RUFY2: variants seen among roughly 807,000 people sequenced by gnomAD.
RUFY2 encodes RUN and FYVE domain-containing protein 2.
Under a neutral mutation model 94.4 loss-of-function variants are expected in RUFY2, and 49 were observed. The ratio of observed to expected loss-of-function variants is 0.52; its 90% confidence interval spans 0.41 to 0.66. RUFY2 has a LOEUF of 0.66. RUFY2 is among the 30% of genes least tolerant of loss of function. The pLI is 0.00. For synonymous variants in RUFY2, 255 were observed against 235.7 expected, an observed-to-expected ratio of 1.08 and a Z score of -0.75; for missense variants, 541 against 692.8, an observed-to-expected ratio of 0.78 and a Z score of 2.46.
At chr10:68,392,737 G>A (rs796288234) in intron 7 of RUFY2, among the ~76,000 whole-genome samples, 7 of 149,412 alleles carry the variant, frequency 4.7e-5, no homozygotes, top group African/African-American at 1.5e-4. Context: ...CCTGGCCAAC[G>A]TGGTGAAACC....
chr10:68,393,721 T>A lies in RUFY2; in HGVS notation c.584+354A>T, dbSNP rs952703949. The A allele has an allele frequency of 2.1e-5, 6 of 280,074 alleles. No homozygotes were observed. In the Admixed American group the frequency reaches 2.9e-4, roughly 14 times the overall value. 17.3% of individuals were successfully genotyped at this position (280,074 alleles called of 1,614,324 possible). A position where few individuals can be genotyped will look rare whatever the true frequency, so the allele number is the denominator to read the frequency against. Reference sequence around the variant, plus strand: ...TCCAGCCTGGGCAACAGAGCAAGACTGTGTCTCAAAAAAAAAAAAACATAG... The same window carrying A: ...TCCAGCCTGGGCAACAGAGCAAGACAGTGTCTCAAAAAAAAAAAAACATAG... On this transcript the variant is annotated intron_variant, in intron 6 of 17. Transcript: ENST00000602465.
At chr10:68,359,807 G>C (rs2047337535) in intron 15 of RUFY2, among the ~76,000 whole-genome samples, 1 of 150,218 alleles carries the variant, frequency 6.7e-6, no homozygotes, top group East Asian at 1.9e-4. Flanking sequence ...AAAAAAGATA[G>C]ATTTGGAAGG....
intron 12 of RUFY2, chr10:68,377,277 G>T (rs1437768726): frequency 8.6e-7 from 1 of 1,161,010 alleles, no homozygotes; most frequent in East Asian, 6.4e-5. Context: ...AGAGCATAAC[G>T]AATCAAATTT....
intron 15 of RUFY2, 61 bp from the exon 16 acceptor site, chr10:68,355,462 T>C (rs2046980190): frequency 9.8e-7 from 1 of 1,022,956 alleles, no homozygotes; most frequent in African/African-American, 1.6e-5. Context: ...GAACACTTAG[T>C]ATTTCAGTAG....
intron 14 of RUFY2, 109 bp from the exon 15 acceptor site, chr10:68,363,793 G>A: frequency 1.2e-6 from 1 of 867,008 alleles, no homozygotes; most frequent in East Asian, 2.7e-5. Context: ...CTTTTTAAAA[G>A]AAACAAATTG....
At chr10:68,346,703 A>T (rs1353453159) in intron 16 of RUFY2, 1 of 152,238 alleles carries the variant, frequency 6.6e-6, no homozygotes, top group Non-Finnish European at 1.5e-5. Context: ...ATGTTTTGAT[A>T]CAGGCATGCA....
At chr10:68,358,336 C>T (rs2132416463) in intron 15 of RUFY2, among the ~76,000 whole-genome samples, 1 of 152,278 alleles carries the variant, frequency 6.6e-6, no homozygotes, top group East Asian at 1.9e-4. Context: ...TAAAAATCTG[C>T]TTTGCCCTAT....
intron 7 of RUFY2, among the ~76,000 whole-genome samples, chr10:68,389,432 C>T (rs2049809366): frequency 6.6e-6 from 1 of 151,332 alleles, no homozygotes; most frequent in Non-Finnish European, 1.5e-5. Flanking sequence ...CTCTACTGAA[C>T]GTGCAAAAAA....
intron 15 of RUFY2, among the ~76,000 whole-genome samples, chr10:68,363,099 A>C (rs911137759): frequency 6.6e-6 from 1 of 152,226 alleles, no homozygotes; most frequent in Non-Finnish European, 1.5e-5. Flanking sequence ...TTCAAAGCTA[A>C]GTCTACTAAA....
chr10:68,386,056 T>C lies in RUFY2; in HGVS notation c.720+3A>G. On this transcript the variant is annotated splice_donor_region_variant and intron_variant, in intron 8 of 17. Transcript: ENST00000602465. ...TGAAATACATTTATCCATTAGACAA[T>C]ACCTCTTCAATCAGCTTAGTATTTG... 2.5e-6 allele frequency: 4 copies of C among 1,591,858 alleles called. No homozygotes were observed. The highest frequency in any genetic ancestry group is 3.4e-6 in the Non-Finnish European group (4 of 1,162,232).
At chr10:68,399,241 T>G (rs2050633353) in intron 3 of RUFY2, among the ~76,000 whole-genome samples, 1 of 151,906 alleles carries the variant, frequency 6.6e-6, no homozygotes, top group African/African-American at 2.4e-5. Flanking sequence ...ACATGTGGTT[T>G]CGCCATGTTG....
At chr10:68,362,349 C>CA (rs2047513754) in intron 15 of RUFY2, among the ~76,000 whole-genome samples, 1 of 151,144 alleles carries the variant, frequency 6.6e-6, no homozygotes, top group African/African-American at 2.4e-5. Context: ...TAAAAATAAA[C>CA]AAAAAATATT....
In RUFY2 at chr10:68,376,790, T is replaced by C. The variant is rs564340218; in HGVS notation, c.1325+63A>G. ...TAAAAATATTGGTATTCTATCATTA[T>C]GTGCAAAAAAATGAGGGGGTTATGT... is the stretch of plus-strand genomic sequence containing the variant. On this transcript the variant is annotated intron_variant, in intron 13 of 17. Coordinates refer to ENST00000602465, the MANE Select transcript of RUFY2 (RefSeq NM_001330103.2). 143 of 1,452,964 alleles carry C rather than the reference T, an allele frequency of 9.8e-5. 2 individuals are homozygous for C. In the South Asian group the frequency reaches 1.5e-3, roughly 15 times the overall value. 90.0% of individuals were successfully genotyped at this position (1,452,964 alleles called of 1,614,324 possible). A position where few individuals can be genotyped will look rare whatever the true frequency, so the allele number is the denominator to read the frequency against.
intron 3 of RUFY2, among the ~76,000 whole-genome samples, chr10:68,397,578 A>T (rs1378009094): frequency 2.0e-5 from 3 of 151,128 alleles, no homozygotes; most frequent in African/African-American, 7.3e-5. Flanking sequence ...TAAAAAAAAT[A>T]AATTAATTAA....
intron 13 of RUFY2, among the ~76,000 whole-genome samples, chr10:68,371,950 G>A (rs2048310192): frequency 6.6e-6 from 1 of 152,104 alleles, no homozygotes; most frequent in African/African-American, 2.4e-5. Flanking sequence ...ATATCTTTCA[G>A]AAATGAAGGT....
chr10:68,345,607 A>C lies in RUFY2; in HGVS notation c.*161T>G. The C allele has an allele frequency of 1.7e-6, 1 of 575,282 alleles. No individual in the cohort carries two copies. 35.6% of individuals were successfully genotyped at this position (575,282 alleles called of 1,614,324 possible). On this transcript the variant is annotated 3_prime_UTR_variant, in exon 18 of 18. Coordinates refer to ENST00000602465, the MANE Select transcript of RUFY2 (RefSeq NM_001330103.2). Reference sequence around the variant, plus strand: ...ATTTTGAAAAACAATGGGGAAGGAAATATATAACTTGTAATTTCCATGAGC... The same window carrying C: ...ATTTTGAAAAACAATGGGGAAGGAACTATATAACTTGTAATTTCCATGAGC...
At position 68,379,501 on chromosome 10, in the gene RUFY2, T is replaced by C. The variant is rs1461923297; in HGVS notation, c.1128A>G (p.Lys376=). The change falls in exon 12 of 18, where the codon AAA becomes AAG. Residue 376 remains lysine (K), a synonymous_variant. Transcript: ENST00000602465. ...GTCGGGCAATTATTTCATTTTTTTC[T>C]TTCAAGCCATCTTCAGAACCCTATT... ...QKLQGSEDGL[K]EKNEIIARLE... 1 of 1,612,334 alleles carries C rather than the reference T, an allele frequency of 6.2e-7. No individual in the cohort carries two copies. Among genetic ancestry groups the C allele is most frequent in the Non-Finnish European group, 8.5e-7 (1 of 1,179,236 alleles).
chr10:68,394,539 T>TAAA, intron 4 of RUFY2, 88 bp from the exon 5 acceptor site: 1 of 924,098 alleles, frequency 1.1e-6, no homozygotes, highest in Non-Finnish European at 1.7e-6. Flanking sequence ...CCTAATCTTC[T>TAAA]ACCTTACAGA....
At chr10:68,342,207 G>GA, downstream of RUFY2, 1 of 552,594 alleles carries the variant, frequency 1.8e-6, no homozygotes, top group Non-Finnish European at 3.1e-6. Context: ...ATTGTGATGG[G>GA]AAAATGTTTT....
Sources: gnomAD v4.1 joint callset for allele counts (sites outside exome capture counted in the v4.1 genomes callset) on GRCh38, gnomAD v4.1.1 for gene constraint, MANE v1.5 for transcripts, NCBI Gene and HGNC (gene_info 2026-07-23, HGNC 2026-07-21) for gene names.